MYT1L: variants seen among roughly 807,000 people sequenced by gnomAD.
MYT1L encodes the protein myelin transcription factor 1 like, also known as myelin transcription factor 1-like protein.
A neutral mutation model predicts 126.7 loss-of-function variants in MYT1L; 12 were observed. That is an observed-to-expected ratio of 0.09 (90% CI 0.06 to 0.15). The LOEUF is 0.15. Among genes scored for constraint, MYT1L ranks in the 10% least tolerant of loss-of-function variants. The pLI, the probability that MYT1L is intolerant of heterozygous loss-of-function variation, is 1.00. For missense variants in MYT1L, 979 were observed against 1,585.2 expected (o/e 0.62, Z 6.49); for synonymous variants, 541 against 604.2 (o/e 0.90, Z 1.53).
intron 2 of MYT1L, among the ~76,000 whole-genome samples, chr2:2,205,597 T>G (rs1010519581): frequency 1.3e-5 from 2 of 152,228 alleles, no homozygotes; most frequent in African/African-American, 4.8e-5. Context: ...TATTTCTAAA[T>G]TGTCTCTCCC....
rs1573503600 is a variant in MYT1L at position 1,912,203 on chromosome 2, G to A, written c.1619-93C>T. On this transcript the variant is annotated intron_variant, in intron 11 of 24. Coordinates refer to ENST00000647738, the MANE Select transcript of MYT1L (RefSeq NM_001303052.2). The surrounding 1 kb of genome is among the most constrained non-coding windows in gnomAD (Gnocchi z 4.3). ...GCAGTCATTTAACAAAGGCCAGGTC[G>A]CTCATGATAGACAGTCCTACAAACG... 3.6e-6 allele frequency: 3 copies of A among 823,204 alleles called. No individual in the cohort carries two copies. The highest frequency in any genetic ancestry group is 2.8e-5 in the East Asian group (1 of 35,348). The allele number at this position is 823,204 out of a possible 1,614,324, so 51.0% of individuals were successfully genotyped here. A position where few individuals can be genotyped will look rare whatever the true frequency, so the allele number is the denominator to read the frequency against.
intron 21 of MYT1L, among the ~76,000 whole-genome samples, chr2:1,838,007 GT>G (rs1345348135): frequency 2.0e-5 from 3 of 151,900 alleles, no homozygotes; most frequent in Admixed American, 1.3e-4. Flanking sequence ...CGCCCCCTGG[GT>G]TCAAGTGATT....
chr2:2,190,784 T>C (rs1268704285), intron 2 of MYT1L, among the ~76,000 whole-genome samples: 1 of 152,170 alleles, frequency 6.6e-6, no homozygotes, highest in Non-Finnish European at 1.5e-5. Context: ...GGTTCTTATG[T>C]GTCCAGGGTG....
At chr2:2,226,759 C>T (rs554810476) in intron 2 of MYT1L, among the ~76,000 whole-genome samples, 1 of 152,304 alleles carries the variant, frequency 6.6e-6, no homozygotes, top group Admixed American at 6.5e-5. Context: ...GCTGCGGTGC[C>T]TCCTCTCCCA....
chr2:2,154,651 G>A (rs2086421647), intron 3 of MYT1L, among the ~76,000 whole-genome samples: 2 of 152,100 alleles, frequency 1.3e-5, no homozygotes, highest in Non-Finnish European at 2.9e-5. Context: ...CACATAGAGA[G>A]GAACAAAAGA....
At chr2:1,898,173 T>C (rs1298568733) in intron 14 of MYT1L, among the ~76,000 whole-genome samples, 1 of 149,806 alleles carries the variant, frequency 6.7e-6, no homozygotes, top group Admixed American at 6.6e-5. Flanking sequence ...TTGCAGAGAA[T>C]AGATAAACAT....
intron 2 of MYT1L, among the ~76,000 whole-genome samples, chr2:2,213,530 T>C (rs1256108880): frequency 6.6e-6 from 1 of 152,180 alleles, no homozygotes; most frequent in African/African-American, 2.4e-5. Flanking sequence ...GAGTGTGCAG[T>C]GCTGACCCAG....
chr2:1,875,135 G>A (rs975681691), intron 18 of MYT1L, among the ~76,000 whole-genome samples: 9 of 152,196 alleles, frequency 5.9e-5, no homozygotes, highest in Admixed American at 6.5e-5. Context: ...GAAGCCTGGC[G>A]TCCTACCCCA....
intron 21 of MYT1L, among the ~76,000 whole-genome samples, chr2:1,829,954 T>C (rs148969944): frequency 6.6e-6 from 1 of 152,196 alleles, no homozygotes; most frequent in African/African-American, 2.4e-5. Flanking sequence ...ATAAAATGTA[T>C]TGAGTCAATG....
chr2:2,196,847 A>T (rs1324093541), intron 2 of MYT1L, among the ~76,000 whole-genome samples: 1 of 152,080 alleles, frequency 6.6e-6, no homozygotes, highest in African/African-American at 2.4e-5. Context: ...GGAGAATGCA[A>T]CCCATTAATA....
intron 4 of MYT1L, among the ~76,000 whole-genome samples, chr2:2,026,685 C>T (rs2065624224): frequency 6.6e-6 from 1 of 152,192 alleles, no homozygotes; most frequent in Non-Finnish European, 1.5e-5. Flanking sequence ...CCTCTGCCTG[C>T]CTCCCCGAGG....
intron 2 of MYT1L, among the ~76,000 whole-genome samples, chr2:2,207,705 A>C (rs1291226473): frequency 6.6e-6 from 1 of 152,196 alleles, no homozygotes; most frequent in Non-Finnish European, 1.5e-5. Context: ...TCAGGATCTG[A>C]TGCAGGCTGT....
chr2:2,199,626 C>T (rs567469667), intron 2 of MYT1L, among the ~76,000 whole-genome samples: 30 of 152,240 alleles, frequency 2.0e-4, no homozygotes, highest in Admixed American at 1.6e-3. Flanking sequence ...GAGAAGCCAC[C>T]GACTTTATAA....
In MYT1L at chr2:1,956,341, C is replaced by T. The variant is rs112880653; in HGVS notation, c.153-13007G>A. 4.8e-3 allele frequency among the ~76,000 whole-genome samples: 652 copies of T among 136,772 alleles called. 41 individuals are homozygous for T. The highest frequency in any genetic ancestry group is 0.02 in the African/African-American group (580 of 28,760). 89.7% of individuals were successfully genotyped at this position (136,772 alleles called of 152,430 possible). ...ATTCTATGTGTCCTATTCTATATTT[C>T]CTATTCTATCTATCTATCTATCATC... On this transcript the variant is annotated intron_variant, in intron 8 of 24. Coordinates refer to ENST00000647738, the MANE Select transcript of MYT1L (RefSeq NM_001303052.2).
chr2:1,873,236 A>AT (rs548922677), intron 18 of MYT1L, among the ~76,000 whole-genome samples: 4 of 152,354 alleles, frequency 2.6e-5, no homozygotes, highest in African/African-American at 9.6e-5. Context: ...AAATATATAC[A>AT]TTTTTACAGA....
chr2:2,325,132 A>T lies in MYT1L; in HGVS notation c.-521+5835T>A, dbSNP rs184255075. 564 of 152,412 alleles carry T rather than the reference A, an allele frequency of 3.7e-3. 6 individuals carry two copies. Among genetic ancestry groups the T allele is most frequent in the Admixed American group, 3.1e-3 (47 of 15,296 alleles). The allele number at this position is 152,412 out of a possible 1,614,324, so 9.4% of individuals were successfully genotyped here. A position where few individuals can be genotyped will look rare whatever the true frequency, so the allele number is the denominator to read the frequency against. The stretch of plus-strand genomic sequence containing the variant: ...CTCTCGTATCATTGATGTTATGGTA[A>T]ATTCATGCTGTGGCCAAAGAAACCT... On this transcript the variant is annotated intron_variant, in intron 1 of 24. Transcript: ENST00000647738.
At chr2:2,010,160 C>A (rs985790302) in intron 4 of MYT1L, among the ~76,000 whole-genome samples, 2 of 152,166 alleles carry the variant, frequency 1.3e-5, no homozygotes, top group Admixed American at 1.3e-4. Flanking sequence ...TCTGGCAGAA[C>A]TTCAGAGTAG....
intron 3 of MYT1L, among the ~76,000 whole-genome samples, chr2:2,135,892 A>G (rs2082984079): frequency 6.6e-6 from 1 of 152,242 alleles, no homozygotes. Flanking sequence ...GGGTCTCTTA[A>G]GAAAACGTTC....
At chr2:2,158,085 G>C (rs545494117) in intron 3 of MYT1L, among the ~76,000 whole-genome samples, 11 of 151,690 alleles carry the variant, frequency 7.3e-5, no homozygotes, top group African/African-American at 2.4e-4. Flanking sequence ...CTTCCATATG[G>C]GTTGAAGCCT....
Sources: gnomAD v4.1 joint callset for allele counts (sites outside exome capture counted in the v4.1 genomes callset) on GRCh38, gnomAD v4.1.1 for gene constraint, Gnocchi (gnomAD v3.1) non-coding constraint, MANE v1.5 for transcripts, NCBI Gene and HGNC (gene_info 2026-07-23, HGNC 2026-07-21) for gene names.